The following AIF1L variants were observed in gnomAD, a reference collection of about 807,000 sequenced individuals.
AIF1L encodes the protein allograft inflammatory factor 1 like.
Under a neutral mutation model 20.7 loss-of-function variants are expected in AIF1L, and 12 were observed. That is an observed-to-expected ratio of 0.58 (90% CI 0.37 to 0.94). The LOEUF (loss-of-function observed/expected upper bound fraction) is 0.94, where lower values mean the gene tolerates loss of function less well. Among genes scored for constraint, AIF1L ranks in the 40% least tolerant of loss-of-function variants. AIF1L has a pLI of 0.01. For synonymous variants in AIF1L, 76 were observed against 65.1 expected, an observed-to-expected ratio of 1.17 and a Z score of -0.81; for missense variants, 173 against 185.3, an observed-to-expected ratio of 0.93 and a Z score of 0.39.
chr9:131,104,693 T>C (rs1830706352), intron 2 of AIF1L, among the ~76,000 whole-genome samples: 2 of 152,218 alleles, frequency 1.3e-5, no homozygotes, highest in African/African-American at 4.8e-5. Flanking sequence ...AAGCTGATTG[T>C]ATGGGCATAA....
rs890272869 is a variant in AIF1L, at chr9:131,096,923, C to T, written c.93+60C>T. The T allele has an allele frequency of 8.2e-6, 12 of 1,471,678 alleles. No individual in the cohort carries two copies. In the South Asian group the frequency reaches 1.4e-4, roughly 18 times the overall value. 91.2% of individuals were successfully genotyped at this position (1,471,678 alleles called of 1,614,324 possible). On this transcript the variant is annotated intron_variant, in intron 2 of 5. Transcript: ENST00000247291. Reference sequence around the variant, plus strand: ...GAGCCGCGCGCTGCGCGGGTGCCACCTCTCCTTCCGCGAGGCCGTGCCCGC... The same window carrying T: ...GAGCCGCGCGCTGCGCGGGTGCCACTTCTCCTTCCGCGAGGCCGTGCCCGC...
chr9:131,116,586 A>C (rs1466198592), intron 4 of AIF1L, among the ~76,000 whole-genome samples: 2 of 152,154 alleles, frequency 1.3e-5, no homozygotes, highest in Non-Finnish European at 2.9e-5. Flanking sequence ...AAATATAGTT[A>C]ATGGCTGCAT....
intron 2 of AIF1L, among the ~76,000 whole-genome samples, chr9:131,104,401 C>T (rs1030379501): frequency 2.0e-4 from 30 of 152,358 alleles, no homozygotes; most frequent in Non-Finnish European, 3.8e-4. Context: ...CTGGAATAAC[C>T]TCCTGCAGCT....
At chr9:131,114,536 T>C (rs777710162) in intron 3 of AIF1L, 41 bp from the exon 4 acceptor site, 2 of 1,612,168 alleles carry the variant, frequency 1.2e-6, no homozygotes, top group South Asian at 2.2e-5. Flanking sequence ...AGGGAGACGC[T>C]GCTTCCAAAC....
chr9:131,118,032 G>A (rs1437934446), intron 5 of AIF1L, 114 bp downstream of exon 5: 5 of 1,078,666 alleles, frequency 4.6e-6, no homozygotes, highest in Admixed American at 2.8e-5. Context: ...CTCATTGTGC[G>A]ACCTGCTGGA....
intron 2 of AIF1L, among the ~76,000 whole-genome samples, chr9:131,109,932 G>A (rs1442248421): frequency 2.6e-5 from 4 of 152,100 alleles, no homozygotes; most frequent in South Asian, 2.1e-4. Flanking sequence ...GCTACTGGCC[G>A]GGCGCCGTGG....
In AIF1L at chr9:131,114,628, G is replaced by A; in HGVS notation, c.202+10G>A. ...AATGAAGGCGAGATTGGTGAGTGAA[G>A]CCTTGAGTGTGTTTAGGGAGGAGGG... On this transcript the variant is annotated intron_variant, in intron 4 of 5. Coordinates refer to ENST00000247291, the MANE Select transcript of AIF1L (RefSeq NM_031426.4). The A allele has an allele frequency of 6.2e-7, 1 of 1,614,076 alleles. No homozygotes were observed. Among genetic ancestry groups the A allele is most frequent in the Non-Finnish European group, 8.5e-7 (1 of 1,179,918 alleles).
chr9:131,098,599 C>T (rs994077633), intron 2 of AIF1L, among the ~76,000 whole-genome samples: 2 of 145,446 alleles, frequency 1.4e-5, no homozygotes, highest in Admixed American at 6.8e-5. Context: ...GCTAAGAGGG[C>T]GGGGCCAACC....
At chr9:131,111,724 T>A in intron 3 of AIF1L, 61 bp downstream of exon 3, 1 of 1,511,486 alleles carries the variant, frequency 6.6e-7, no homozygotes, top group Non-Finnish European at 9.2e-7. Flanking sequence ...CCCCTCATCC[T>A]TGCACACAGG....
At chr9:131,111,197 C>A (rs1830873844) in intron 2 of AIF1L, among the ~76,000 whole-genome samples, 1 of 144,746 alleles carries the variant, frequency 6.9e-6, no homozygotes, top group Non-Finnish European at 1.5e-5. Flanking sequence ...AAAAAGTGCA[C>A]GGAGGAATGA....
In AIF1L at chr9:131,096,798, C is replaced by G. The variant is rs946028222; in HGVS notation, c.32-4C>G. The G allele has an allele frequency of 2.0e-6, 3 of 1,533,298 alleles. No individual in the cohort carries two copies. Among genetic ancestry groups the G allele is most frequent in the Non-Finnish European group, 2.6e-6 (3 of 1,141,512 alleles). 95.0% of individuals were successfully genotyped at this position (1,533,298 alleles called of 1,614,324 possible). Reference sequence around the variant, plus strand: ...TTCCCAGGCCGCCTCTTTGTCTCCTCCAGGAGGGAAGGCGTTCGGCTTGCT... The same window carrying G: ...TTCCCAGGCCGCCTCTTTGTCTCCTGCAGGAGGGAAGGCGTTCGGCTTGCT... On this transcript the variant is annotated splice_region_variant and splice_polypyrimidine_tract_variant and intron_variant, in intron 1 of 5. Coordinates refer to ENST00000247291, the MANE Select transcript of AIF1L (RefSeq NM_031426.4).
chr9:131,110,055 C>A (rs1434805307), intron 2 of AIF1L, among the ~76,000 whole-genome samples: 1 of 152,060 alleles, frequency 6.6e-6, no homozygotes, highest in Admixed American at 6.6e-5. Flanking sequence ...ACAAAAAATA[C>A]AAAAATAAGC....
chr9:131,115,856 C>T (rs1344506038), intron 4 of AIF1L, among the ~76,000 whole-genome samples: 1 of 151,808 alleles, frequency 6.6e-6, no homozygotes, highest in Non-Finnish European at 1.5e-5. Flanking sequence ...TGCCTGTAAT[C>T]CCAGCTACTC....
At chr9:131,107,520 G>T (rs1020491555) in intron 2 of AIF1L, among the ~76,000 whole-genome samples, 1 of 152,226 alleles carries the variant, frequency 6.6e-6, no homozygotes, top group African/African-American at 2.4e-5. Context: ...CCCCAGGAAG[G>T]TTCTCTAGTT....
chr9:131,114,597 C>T lies in AIF1L; in HGVS notation c.181C>T (p.Leu61=). The part of the protein sequence containing the change: ...AFKEKYMEFD[L]NNEGEIDLMS... ...TCCAGAGAAGTACATGGAGTTTGACCTGAACAATGAAGGCGAGATTGGTGA... is the reference window on the plus strand; with the variant it reads ...TCCAGAGAAGTACATGGAGTTTGACTTGAACAATGAAGGCGAGATTGGTGA... Residue 61 remains leucine (L), a synonymous_variant, in exon 4 of 6, where the codon CTG becomes TTG. Coordinates refer to ENST00000247291, the MANE Select transcript of AIF1L (RefSeq NM_031426.4). 1.2e-6 allele frequency: 2 copies of T among 1,614,130 alleles called. No homozygotes were observed. The highest frequency in any genetic ancestry group is 1.7e-6 in the Non-Finnish European group (2 of 1,179,970).
chr9:131,096,996 G>GCCTC, intron 2 of AIF1L, 133 bp downstream of exon 2: 1 of 1,005,578 alleles, frequency 9.9e-7, no homozygotes, highest in Non-Finnish European at 1.3e-6. Flanking sequence ...TCCCTCAGGT[G>GCCTC]CCTCCCTCCG....
chr9:131,100,734 T>G (rs1212417825), intron 2 of AIF1L, among the ~76,000 whole-genome samples: 1 of 152,140 alleles, frequency 6.6e-6, no homozygotes, highest in African/African-American at 2.4e-5. Context: ...TGGCCTTATA[T>G]GGCAATGGGA....
chr9:131,097,699 G>A (rs563445253), intron 2 of AIF1L, among the ~76,000 whole-genome samples: 5 of 152,348 alleles, frequency 3.3e-5, no homozygotes, highest in African/African-American at 9.6e-5. Context: ...AGGCAGCACA[G>A]CCAGTGGCTT....
chr9:131,119,272 C>T (rs768631380), intron 5 of AIF1L, among the ~76,000 whole-genome samples: 3 of 152,034 alleles, frequency 2.0e-5, no homozygotes, highest in Non-Finnish European at 4.4e-5. Context: ...AGGCTGAGGC[C>T]GGTGGATCAC....
Sources: gnomAD v4.1 joint callset for allele counts (sites outside exome capture counted in the v4.1 genomes callset) on GRCh38, gnomAD v4.1.1 for gene constraint, MANE v1.5 for transcripts, NCBI Gene and HGNC (gene_info 2026-07-23, HGNC 2026-07-21) for gene names.